The following FERMT2 variants were observed in gnomAD, a reference collection of about 807,000 sequenced individuals.
FERMT2 encodes fermitin family homolog 2.
FERMT2 carries 15 observed loss-of-function variants against 82.7 expected under a neutral mutation model. The observed-to-expected ratio is 0.18, with a 90% CI of 0.12 to 0.28. FERMT2 has a LOEUF of 0.28. Ranked by LOEUF, FERMT2 falls within the 10% of genes least tolerant of loss-of-function variation. The probability of loss-of-function intolerance (pLI) is 1.00; values close to 1 mark genes in which losing one functional copy is unlikely to be tolerated. For missense variants in FERMT2, 645 were observed against 809.4 expected, an observed-to-expected ratio of 0.80 and a Z score of 2.46; for synonymous variants, 274 against 271.5, an observed-to-expected ratio of 1.01 and a Z score of -0.09.
At chr14:52,919,396 C>A (rs763986008) in intron 2 of FERMT2, 40 bp from the exon 3 acceptor site, 17 of 1,448,518 alleles carry the variant, frequency 1.2e-5, no homozygotes, top group Non-Finnish European at 1.6e-5. Flanking sequence ...TTAAAAATCA[C>A]CAAGGTGATT....
intron 1 of FERMT2, 78 bp downstream of exon 1, chr14:52,950,843 G>A (rs1054489699): frequency 1.0e-4 from 30 of 298,220 alleles, no homozygotes; most frequent in African/African-American, 6.1e-4. Context: ...GGCCGGCCCC[G>A]AGACACAGCG....
At chr14:52,887,046 T>C (rs987686324) in intron 4 of FERMT2, among the ~76,000 whole-genome samples, 13 of 152,122 alleles carry the variant, frequency 8.5e-5, no homozygotes, top group African/African-American at 3.1e-4. Flanking sequence ...AATCCTGTAA[T>C]ATTTGAATAT....
chr14:52,881,599 T>G, intron 4 of FERMT2, 130 bp from the exon 5 acceptor site: 1 of 844,146 alleles, frequency 1.2e-6, no homozygotes, highest in East Asian at 2.7e-5. Flanking sequence ...GCTTAGTATA[T>G]TATTTTACCT....
At chr14:52,935,883 ATAAG>A (rs1889814005) in intron 2 of FERMT2, among the ~76,000 whole-genome samples, 2 of 152,244 alleles carry the variant, frequency 1.3e-5, no homozygotes, top group African/African-American at 4.8e-5. Flanking sequence ...ATCCGATACT[ATAAG>A]ACATACTAAC....
At chr14:52,947,465 T>C (rs1021922406) in intron 2 of FERMT2, among the ~76,000 whole-genome samples, 3 of 151,930 alleles carry the variant, frequency 2.0e-5, no homozygotes, top group Non-Finnish European at 4.4e-5. Context: ...GGCGACAGAG[T>C]GAGACTCCCG....
intron 3 of FERMT2, among the ~76,000 whole-genome samples, chr14:52,896,030 A>C (rs115411289): frequency 0.01 from 1,552 of 152,326 alleles, 28 homozygotes; most frequent in African/African-American, 0.035. Flanking sequence ...ATGGGATTAT[A>C]GGCGTGAGCC....
chr14:52,950,551 T>A lies in FERMT2; in HGVS notation c.18A>T (p.Ile6=), dbSNP rs1890582115. 1.9e-6 allele frequency: 3 copies of A among 1,614,064 alleles called. No homozygotes were observed. Among genetic ancestry groups the A allele is most frequent in the Non-Finnish European group, 2.5e-6 (3 of 1,179,988 alleles). MALDG[I]RMPDGCYADG... Reference sequence around the variant, plus strand: ...CCGCGTAGCAGCCATCTGGCATCCTTATCCCGTCCAGAGCCATGGCTCCTT... The same window carrying A: ...CCGCGTAGCAGCCATCTGGCATCCTAATCCCGTCCAGAGCCATGGCTCCTT... Residue 6 remains isoleucine, a synonymous_variant, in exon 2 of 15, where the codon ATA becomes ATT. Transcript: ENST00000341590.
chr14:52,866,098 A>G (rs1419998588), intron 10 of FERMT2, among the ~76,000 whole-genome samples: 1 of 152,228 alleles, frequency 6.6e-6, no homozygotes, highest in African/African-American at 2.4e-5. Context: ...TTTACAGTAC[A>G]CAATTCCATA....
At chr14:52,860,185 C>T (rs1884840123) in intron 13 of FERMT2, 156 bp downstream of exon 13, 2 of 581,308 alleles carry the variant, frequency 3.4e-6, no homozygotes, top group South Asian at 5.9e-5. Context: ...AAATTAAAAG[C>T]TTACAAAATA....
chr14:52,879,226 G>C (rs979642720), intron 6 of FERMT2, among the ~76,000 whole-genome samples: 14 of 152,132 alleles, frequency 9.2e-5, no homozygotes, highest in Non-Finnish European at 2.1e-4. Context: ...TATACTTGTG[G>C]AAAATGTTTA....
At chr14:52,910,917 G>A (rs1888273901) in intron 3 of FERMT2, among the ~76,000 whole-genome samples, 1 of 152,150 alleles carries the variant, frequency 6.6e-6, no homozygotes, top group African/African-American at 2.4e-5. Context: ...GTAGATACAA[G>A]AGAGTTAAAT....
intron 3 of FERMT2, among the ~76,000 whole-genome samples, chr14:52,899,445 G>A (rs943848923): frequency 3.3e-5 from 5 of 152,160 alleles, no homozygotes; most frequent in Non-Finnish European, 7.3e-5. Flanking sequence ...ACCACACCCA[G>A]CTAAGTTTTT....
chr14:52,875,244 C>G lies in FERMT2; in HGVS notation c.1077G>C (p.Gly359=), dbSNP rs1130597. 10,464 of 1,608,642 alleles carry G rather than the reference C, an allele frequency of 6.5e-3. 37 individuals carry two copies. Among genetic ancestry groups the G allele is most frequent in the Non-Finnish European group, 8.0e-3 (9,413 of 1,178,272 alleles). ...ALSDLEITLE[G]GKTSTILGDI... ...CTACCAAAATTGTTGACGTTTTACC[C>G]CCTTCCAGAGTAATCTCCAGGTCTG... Residue 359 remains glycine (G), a synonymous_variant, in exon 8 of 15, where the codon GGG becomes GGC. Coordinates refer to ENST00000341590, the MANE Select transcript of FERMT2 (RefSeq NM_006832.3).
At chr14:52,924,067 C>T (rs1469453777) in intron 2 of FERMT2, among the ~76,000 whole-genome samples, 1 of 152,168 alleles carries the variant, frequency 6.6e-6, no homozygotes, top group African/African-American at 2.4e-5. Flanking sequence ...GAACATCAGA[C>T]GTGCTGAATT....
Position 52,893,281 on chromosome 14 carries a change from T to TAA in FERMT2, c.526+10_526+11dup. Reference sequence around the variant, plus strand: ...TTCTTACTTTGAGTCCATTGCTTGGTAAAAGTCTTACCTGATCCAGGAGTG... The same window carrying TAA: ...TTCTTACTTTGAGTCCATTGCTTGGTAAAAAAGTCTTACCTGATCCAGGAGTG... On this transcript the variant is annotated intron_variant, in intron 4 of 14. Transcript: ENST00000341590. The TAA allele has an allele frequency of 6.3e-7, 1 of 1,585,042 alleles. No homozygotes were observed. The highest frequency in any genetic ancestry group is 8.5e-7 in the Non-Finnish European group (1 of 1,171,580).
intron 8 of FERMT2, 76 bp downstream of exon 8, chr14:52,875,147 C>G: frequency 7.7e-7 from 1 of 1,292,944 alleles, no homozygotes; most frequent in Non-Finnish European, 1.1e-6. Flanking sequence ...CCCCCAAATA[C>G]TTTGAACCTA....
chr14:52,937,601 C>G (rs1029867497), intron 2 of FERMT2, among the ~76,000 whole-genome samples: 1 of 152,186 alleles, frequency 6.6e-6, no homozygotes, highest in Non-Finnish European at 1.5e-5. Flanking sequence ...CACTTTGTTA[C>G]TAGCAAGCTG....
intron 4 of FERMT2, among the ~76,000 whole-genome samples, chr14:52,888,794 G>A (rs1475378362): frequency 6.6e-6 from 1 of 152,204 alleles, no homozygotes; most frequent in Admixed American, 6.5e-5. Context: ...GATATGGGAT[G>A]ACTCTGATTG....
At chr14:52,869,417 T>C (rs556706226) in intron 10 of FERMT2, among the ~76,000 whole-genome samples, 54 of 152,316 alleles carry the variant, frequency 3.5e-4, no homozygotes, top group African/African-American at 1.3e-3. Flanking sequence ...ATACGGTAAA[T>C]CTATCCTAAT....
Sources: gnomAD v4.1 joint callset for allele counts (sites outside exome capture counted in the v4.1 genomes callset) on GRCh38, gnomAD v4.1.1 for gene constraint, MANE v1.5 for transcripts, NCBI Gene and HGNC (gene_info 2026-07-23, HGNC 2026-07-21) for gene names.